SUGCT: variants seen among roughly 807,000 people sequenced by gnomAD.
The protein encoded by SUGCT is succinyl-CoA:glutarate-CoA transferase.
Under a neutral mutation model 55.0 loss-of-function variants are expected in SUGCT, and 41 were observed. The ratio of observed to expected loss-of-function variants is 0.74; its 90% CI spans 0.58 to 0.97. The LOEUF (loss-of-function observed/expected upper bound fraction) is 0.97, where lower values mean the gene tolerates loss of function less well. SUGCT is among the 50% of genes least tolerant of loss of function. The pLI, the probability that SUGCT is intolerant of heterozygous loss-of-function variation, is 0.00. For synonymous variants in SUGCT, 187 were observed against 200.4 expected (o/e 0.93, Z 0.56); for missense variants, 568 against 547.8 (o/e 1.04, Z -0.37).
chr7:40,308,560 A>G (rs1480780747), intron 8 of SUGCT, among the ~76,000 whole-genome samples: 1 of 152,162 alleles, frequency 6.6e-6, no homozygotes, highest in African/African-American at 2.4e-5. Flanking sequence ...AAGGACCCAT[A>G]TGATATGGCC....
chr7:40,867,965 A>C, the SUGCT span, among the ~76,000 whole-genome samples: 6 of 152,240 alleles, frequency 3.9e-5, no homozygotes, highest in South Asian at 1.2e-3. Flanking sequence ...TCTATAGGAG[A>C]TACATAACAA....
chr7:40,963,042 T>C, the SUGCT span, among the ~76,000 whole-genome samples: 1 of 152,212 alleles, frequency 6.6e-6, no homozygotes, highest in African/African-American at 2.4e-5. Flanking sequence ...GGGAATTGCA[T>C]ATAAACAAAG....
rs202217015 is a variant in SUGCT, at chr7:40,715,155, T to A, written c.1090-34279T>A. ...CATAAAAAAAAATAAACTCTCTCCT[T>A]TGTTCTTAAAATAGACCAAATTTGT... On this transcript the variant is annotated intron_variant, in intron 12 of 13. Transcript: ENST00000335693. 2.6e-5 allele frequency among the ~76,000 whole-genome samples: 4 copies of A among 152,212 alleles called. No homozygotes were observed. The East Asian group carries it at 7.7e-4, about 29-fold the overall frequency.
intron 6 of SUGCT, among the ~76,000 whole-genome samples, chr7:40,197,452 C>T (rs1786353622): frequency 6.6e-6 from 1 of 152,144 alleles, no homozygotes; most frequent in Non-Finnish European, 1.5e-5. Context: ...ATTTCTGTTT[C>T]CCATGTCTGT....
the SUGCT span, among the ~76,000 whole-genome samples, chr7:40,934,934 G>A: frequency 1.3e-5 from 2 of 152,294 alleles, no homozygotes; most frequent in South Asian, 4.1e-4. Flanking sequence ...TGCACCCACT[G>A]TCCAACCAGT....
intron 9 of SUGCT, among the ~76,000 whole-genome samples, chr7:40,368,017 A>G (rs1784100274): frequency 6.6e-6 from 1 of 152,054 alleles, no homozygotes; most frequent in African/African-American, 2.4e-5. Context: ...TGCTCCTGCC[A>G]TGTTTCCATC....
intron 12 of SUGCT, among the ~76,000 whole-genome samples, chr7:40,647,677 C>G (rs1800587772): frequency 6.6e-6 from 1 of 151,958 alleles, no homozygotes; most frequent in Non-Finnish European, 1.5e-5. Context: ...ATGGTGAAAC[C>G]CTGTCTCTAT....
chr7:40,341,295 G>GA (rs1028676218), intron 9 of SUGCT, among the ~76,000 whole-genome samples: 1 of 151,900 alleles, frequency 6.6e-6, no homozygotes, highest in African/African-American at 2.4e-5. Flanking sequence ...CAAGCACCAG[G>GA]AAAAAAGCAA....
chr7:41,024,481 C>T, the SUGCT span, among the ~76,000 whole-genome samples: 3 of 152,072 alleles, frequency 2.0e-5, no homozygotes, highest in Non-Finnish European at 2.9e-5. Flanking sequence ...ACTTATAAAG[C>T]GCTTTCTCAT....
At chr7:40,604,044 A>G (rs763972454) in intron 12 of SUGCT, among the ~76,000 whole-genome samples, 17 of 152,018 alleles carry the variant, frequency 1.1e-4, no homozygotes, top group Admixed American at 2.6e-4. Context: ...TTCAGTAGCC[A>G]TGTTCCCTCC....
chr7:40,439,910 G>C (rs990860593), intron 9 of SUGCT, among the ~76,000 whole-genome samples: 7 of 152,106 alleles, frequency 4.6e-5, no homozygotes, highest in African/African-American at 1.7e-4. Context: ...CATGACACCA[G>C]ACACCTCTTG....
chr7:40,222,912 G>C (rs774553038), intron 6 of SUGCT, among the ~76,000 whole-genome samples: 12 of 152,106 alleles, frequency 7.9e-5, no homozygotes, highest in Non-Finnish European at 1.6e-4. Flanking sequence ...ACAGGCATAA[G>C]CTACCATGCC....
chr7:40,642,009 C>T (rs1021353512), intron 12 of SUGCT, among the ~76,000 whole-genome samples: 2 of 152,106 alleles, frequency 1.3e-5, no homozygotes, highest in African/African-American at 2.4e-5. Flanking sequence ...TAATGTAGTG[C>T]GATGATGATA....
the SUGCT span, among the ~76,000 whole-genome samples, chr7:40,932,504 G>A: frequency 3.3e-5 from 5 of 152,120 alleles, no homozygotes; most frequent in Admixed American, 2.0e-4. Flanking sequence ...TCATTGATCC[G>A]TCTAATACTG....
intron 12 of SUGCT, among the ~76,000 whole-genome samples, chr7:40,678,095 C>A (rs1459236392): frequency 6.6e-6 from 1 of 152,200 alleles, no homozygotes; most frequent in Non-Finnish European, 1.5e-5. Context: ...AGCTGTAATA[C>A]CTTTTATGAC....
At chr7:40,961,996 G>A in the SUGCT span, among the ~76,000 whole-genome samples, 2 of 152,098 alleles carry the variant, frequency 1.3e-5, no homozygotes, top group Admixed American at 6.5e-5. Flanking sequence ...AATGTGGAAG[G>A]GGACCCAAGT....
intron 9 of SUGCT, among the ~76,000 whole-genome samples, chr7:40,387,222 G>T (rs1011802505): frequency 2.0e-5 from 3 of 152,128 alleles, no homozygotes; most frequent in Non-Finnish European, 2.9e-5. Flanking sequence ...TAACATCTTT[G>T]TAACTTACCT....
intron 1 of SUGCT, among the ~76,000 whole-genome samples, chr7:40,156,709 G>A (rs946458435): frequency 2.0e-5 from 3 of 152,122 alleles, no homozygotes; most frequent in African/African-American, 7.2e-5. Context: ...TAGATGTCAG[G>A]TATTAACCAG....
the SUGCT span, among the ~76,000 whole-genome samples, chr7:40,906,873 A>T: frequency 6.6e-6 from 1 of 152,152 alleles, no homozygotes; most frequent in African/African-American, 2.4e-5. Context: ...ATAATTTTTA[A>T]GAACGCTCTA....
Sources: allele counts gnomAD v4.1 joint callset (sites outside exome capture counted in the v4.1 genomes callset), GRCh38; gene constraint gnomAD v4.1.1; transcripts MANE v1.5; gene names NCBI Gene and HGNC (gene_info 2026-07-23, HGNC 2026-07-21).